The following ZNF385C variants were observed in gnomAD, a reference collection of about 807,000 sequenced individuals.
ZNF385C encodes the protein CTD-2132N18.2.
A neutral mutation model predicts 35.4 loss-of-function variants in ZNF385C; 28 were observed. The observed-to-expected ratio is 0.79, with a 90% CI of 0.59 to 1.08. The LOEUF is 1.08. Ranked by LOEUF, ZNF385C falls within the 50% of genes least tolerant of loss-of-function variation. The probability of loss-of-function intolerance (pLI) is 0.00; values close to 1 mark genes in which losing one functional copy is unlikely to be tolerated. For synonymous variants in ZNF385C, 248 were observed against 248.2 expected (o/e 1.00, Z 0.01); for missense variants, 605 against 595.6 (o/e 1.02, Z -0.16).
chr17:42,028,820 T>C lies in ZNF385C; in HGVS notation c.930A>G (p.Thr310=). Residue 310 remains threonine (T), a synonymous_variant, in exon 6 of 9, where the codon ACA becomes ACG. Coordinates refer to ENST00000692273, the MANE Select transcript of ZNF385C (RefSeq NM_001392013.1). The part of the protein sequence containing the change: ...GHLYCPTCKV[T]VNSASQLQAH... ...CCTGAAGCTGGGAGGCCGAGTTCACTGTCACCTTACACGTGGGGCAGTAGA... is the reference window on the plus strand; with the variant it reads ...CCTGAAGCTGGGAGGCCGAGTTCACCGTCACCTTACACGTGGGGCAGTAGA... The C allele has an allele frequency of 6.4e-7, 1 of 1,550,572 alleles. No homozygotes were observed. The highest frequency in any genetic ancestry group is 8.7e-7 in the Non-Finnish European group (1 of 1,146,938).
At chr17:42,089,532 C>G (rs774684524) in intron 1 of ZNF385C, among the ~76,000 whole-genome samples, 1 of 152,146 alleles carries the variant, frequency 6.6e-6, no homozygotes, top group Non-Finnish European at 1.5e-5. Flanking sequence ...ATACAACTCT[C>G]CACCTAAAAA....
In ZNF385C at chr17:42,084,238, G is replaced by A. The variant is rs142244006; in HGVS notation, c.-3+14172C>T. Reference sequence around the variant, plus strand: ...GATGCCTGTAGTCCAACCTATGAGGGCAGATTGCTTGAGCCCAGAAGTTCC... The same window carrying A: ...GATGCCTGTAGTCCAACCTATGAGGACAGATTGCTTGAGCCCAGAAGTTCC... On this transcript the variant is annotated intron_variant, in intron 1 of 8. Transcript: ENST00000692273. Among the ~76,000 whole-genome samples the A allele has an allele frequency of 3.9e-3, 588 of 150,898 alleles. 2 individuals are homozygous for A. The highest frequency in any genetic ancestry group is 5.8e-3 in the Non-Finnish European group (391 of 67,846).
chr17:42,057,207 C>T (rs1390631842), intron 2 of ZNF385C, among the ~76,000 whole-genome samples: 2 of 152,106 alleles, frequency 1.3e-5, no homozygotes, highest in Non-Finnish European at 2.9e-5. Flanking sequence ...TGGGTGTTAC[C>T]TAATCTCCCT....
intron 2 of ZNF385C, chr17:42,062,461 G>C (rs2053476908): frequency 4.8e-6 from 1 of 207,774 alleles, no homozygotes; most frequent in Non-Finnish European, 9.5e-6. Flanking sequence ...CGCAGATGAG[G>C]CCCTTGTCTG....
chr17:42,027,783 G>A (rs2143500688), intron 7 of ZNF385C, 55 bp from the exon 8 acceptor site: 2 of 1,555,200 alleles, frequency 1.3e-6, no homozygotes, highest in Admixed American at 1.8e-5. Context: ...AGGACCCCAA[G>A]ACCATCATCC....
intron 1 of ZNF385C, among the ~76,000 whole-genome samples, chr17:42,066,187 G>T (rs555619041): frequency 6.6e-6 from 1 of 152,134 alleles, no homozygotes; most frequent in Non-Finnish European, 1.5e-5. Context: ...AGCCTCCCGA[G>T]TAGCTGGGAC....
At chr17:42,034,116 C>T (rs2052788501) in intron 4 of ZNF385C, 109 bp downstream of exon 4, 3 of 876,654 alleles carry the variant, frequency 3.4e-6, no homozygotes, top group Non-Finnish European at 5.6e-6. Context: ...ATACCGACCA[C>T]AGCCCCTTTG....
chr17:42,059,921 C>T (rs1222566131), intron 2 of ZNF385C, among the ~76,000 whole-genome samples: 1 of 152,120 alleles, frequency 6.6e-6, no homozygotes, highest in Non-Finnish European at 1.5e-5. Flanking sequence ...CGCACCTGGC[C>T]CTGGAGCTGT....
chr17:42,047,402 C>T (rs951633151), intron 2 of ZNF385C, among the ~76,000 whole-genome samples: 20 of 151,732 alleles, frequency 1.3e-4, no homozygotes, highest in Non-Finnish European at 2.4e-4. Flanking sequence ...CTCGAACTCC[C>T]GACCTCAGAT....
chr17:42,056,405 C>T (rs1474675323), intron 2 of ZNF385C, among the ~76,000 whole-genome samples: 1 of 152,212 alleles, frequency 6.6e-6, no homozygotes, highest in Non-Finnish European at 1.5e-5. Flanking sequence ...GGCTCAGTTG[C>T]TCCTAATATA....
intron 1 of ZNF385C, among the ~76,000 whole-genome samples, chr17:42,088,249 G>C (rs564097713): frequency 1.3e-5 from 2 of 152,338 alleles, no homozygotes; most frequent in South Asian, 4.1e-4. Flanking sequence ...GGAGACTGAG[G>C]ACCCGGAGAG....
intron 1 of ZNF385C, among the ~76,000 whole-genome samples, chr17:42,063,543 CAAACAAA>C (rs1567992605): frequency 1.3e-5 from 2 of 150,970 alleles, no homozygotes; most frequent in East Asian, 1.9e-4. Context: ...AAAGAAAAAA[CAAACAAA>C]AAACAAAAAC....
chr17:42,039,844 C>T, intron 2 of ZNF385C: 1 of 1,231,850 alleles, frequency 8.1e-7, no homozygotes, highest in Non-Finnish European at 1.0e-6. Context: ...TTCCCCGGCC[C>T]CACTCTGCCC....
chr17:42,035,423 G>A lies in ZNF385C; in HGVS notation c.400-1088C>T, dbSNP rs116281341. Among the ~76,000 whole-genome samples the A allele has an allele frequency of 5.8e-3, 885 of 151,906 alleles. 11 individuals are homozygous for A. The highest frequency in any genetic ancestry group is 0.02 in the African/African-American group (848 of 41,406). On this transcript the variant is annotated intron_variant, in intron 3 of 8. Transcript: ENST00000692273. ...GAGGCAGGGAAGAGACAAAGAACTCGTCTGTTGGAATTTCCTCTCCCATCA... is the reference window on the plus strand; with the variant it reads ...GAGGCAGGGAAGAGACAAAGAACTCATCTGTTGGAATTTCCTCTCCCATCA...
chr17:42,064,182 T>C (rs2053514627), intron 1 of ZNF385C, among the ~76,000 whole-genome samples: 1 of 151,936 alleles, frequency 6.6e-6, no homozygotes, highest in Non-Finnish European at 1.5e-5. Context: ...AGACAGTCTT[T>C]CCTTTCCAAG....
At chr17:42,071,175 T>C (rs1555658785) in intron 1 of ZNF385C, among the ~76,000 whole-genome samples, 1 of 144,446 alleles carries the variant, frequency 6.9e-6, no homozygotes, top group African/African-American at 2.7e-5. Context: ...AGGTGAGGGG[T>C]TCCGCTGGAC....
At chr17:42,067,336 G>T (rs2053562740) in intron 1 of ZNF385C, among the ~76,000 whole-genome samples, 1 of 152,138 alleles carries the variant, frequency 6.6e-6, no homozygotes, top group African/African-American at 2.4e-5. Flanking sequence ...TGTTATGGGA[G>T]CCCTAACAAA....
chr17:42,028,949 T>C lies in ZNF385C; in HGVS notation c.801A>G (p.Pro267=), dbSNP rs2052664621. The C allele has an allele frequency of 5.2e-6, 8 of 1,550,432 alleles. No individual in the cohort carries two copies. The highest frequency in any genetic ancestry group is 7.0e-6 in the Non-Finnish European group (8 of 1,146,968). ...CTCTCCCAGGCTCTGGGGAGCAAGG[T>C]GGGCAGGAGGAAGAAGAGGATGAGG... ...AASSSSSSSC[P]PCSPEPGREA... The change falls in exon 6 of 9, where the codon CCA becomes CCG. Residue 267 remains proline, a synonymous_variant. Coordinates refer to ENST00000692273, the MANE Select transcript of ZNF385C (RefSeq NM_001392013.1).
intron 1 of ZNF385C, among the ~76,000 whole-genome samples, chr17:42,076,546 CG>C: frequency 6.6e-6 from 1 of 152,092 alleles, no homozygotes; most frequent in African/African-American, 2.4e-5. Context: ...GGTGTGAACC[CG>C]GGGGGCGGAG....
Sources: allele counts gnomAD v4.1 joint callset (sites outside exome capture counted in the v4.1 genomes callset), GRCh38; gene constraint gnomAD v4.1.1; transcripts MANE v1.5; gene names NCBI Gene and HGNC (gene_info 2026-07-23, HGNC 2026-07-21).